The following KLHL35 variants were observed in gnomAD, a reference collection of about 807,000 sequenced individuals.
KLHL35 encodes kelch like family member 35.
In KLHL35, 50 loss-of-function variants were observed where a neutral mutation model predicts 44.0. The observed-to-expected ratio is 1.14, with a 90% CI of 0.91 to 1.44. KLHL35 has a LOEUF of 1.44. Ranked by LOEUF, KLHL35 falls within the 40% of genes most tolerant of loss-of-function variation. The pLI, the probability that KLHL35 is intolerant of heterozygous loss-of-function variation, is 0.00. For synonymous variants in KLHL35, 470 were observed against 410.4 expected (o/e 1.15, Z -1.76); for missense variants, 1,049 against 887.8 (o/e 1.18, Z -2.31).
intron 3 of KLHL35, 30 bp downstream of exon 3, chr11:75,428,410 CGT>C: frequency 1.2e-6 from 2 of 1,610,008 alleles, no homozygotes; most frequent in Non-Finnish European, 1.7e-6. Context: ...TAGTCAATCC[CGT>C]GTGAGCTCCC....
At chr11:75,423,946 A>C in intron 5 of KLHL35, 66 bp from the exon 6 acceptor site, 8 of 1,231,166 alleles carry the variant, frequency 6.5e-6, no homozygotes, top group Non-Finnish European at 9.0e-6. Context: ...CACCGCCCAC[A>C]TGCTGCCACC....
rs770972232 is a variant in KLHL35, at chr11:75,423,721, C to G, written c.1534G>C (p.Gly512Arg). ...GGGCTGGGGAGGACAGCTGCCTCCCCCCACACATCTGTGCCTGGATCATAG... is the reference window on the plus strand; with the variant it reads ...GGGCTGGGGAGGACAGCTGCCTCCCGCCACACATCTGTGCCTGGATCATAG... ...FTYDPGTDVW[G>R]EAAVLPSPVE... Residue 512 changes from glycine (G) to arginine (R), a missense_variant, in exon 6 of 7, where the codon GGG becomes CGG. Transcript: ENST00000539798. 1 of 1,613,716 alleles carries G rather than the reference C, an allele frequency of 6.2e-7. No homozygotes were observed. Among genetic ancestry groups the G allele is most frequent in the African/African-American group, 1.3e-5 (1 of 74,924 alleles).
chr11:75,427,096 T>C (rs549733497), intron 3 of KLHL35, among the ~76,000 whole-genome samples: 61 of 152,338 alleles, frequency 4.0e-4, no homozygotes, highest in African/African-American at 1.4e-3. Flanking sequence ...TGCCTTCACC[T>C]GCACAATTTC....
At chr11:75,426,729 G>A in intron 3 of KLHL35, 91 bp from the exon 4 acceptor site, 1 of 837,474 alleles carries the variant, frequency 1.2e-6, no homozygotes, top group South Asian at 1.6e-5. Flanking sequence ...CAGATCCAAA[G>A]GAAGGGTTAA....
chr11:75,428,819 A>C (rs1412035323), intron 2 of KLHL35, among the ~76,000 whole-genome samples, 193 bp from the exon 3 acceptor site: 1 of 152,146 alleles, frequency 6.6e-6, no homozygotes, highest in Non-Finnish European at 1.5e-5. Flanking sequence ...TGGGAAGAGA[A>C]TCGCTAATGC....
rs781149653 is a variant in KLHL35 at position 75,422,742 on chromosome 11, G to A, written c.1590C>T (p.Asp530=). 47 of 1,613,752 alleles carry A rather than the reference G, an allele frequency of 2.9e-5. No homozygotes were observed. The highest frequency in any genetic ancestry group is 4.5e-5 in the East Asian group (2 of 44,880). Residue 530 remains aspartate (D), a synonymous_variant, in exon 7 of 7, where the codon GAC becomes GAT. Transcript: ENST00000539798. ...PVESCGVTVC[D]GKVHILGGRD... ...GCCCGCCAAGGATGTGGACCTTCCC[G>A]TCACACACAGTGACTCCACAGCTTT...
chr11:75,425,631 C>T (rs1482066217), intron 4 of KLHL35, 50 bp from the exon 5 acceptor site: 1 of 1,390,672 alleles, frequency 7.2e-7, no homozygotes, highest in Admixed American at 3.2e-5. Context: ...GCCTTAGGGC[C>T]CTCGGCCTCA....
Position 75,430,074 on chromosome 11 carries a change from CCA to C in KLHL35, c.554_555del (p.Val185GlyfsTer12). The C allele has an allele frequency of 7.2e-7, 1 of 1,389,680 alleles. No individual in the cohort carries two copies. The highest frequency in any genetic ancestry group is 9.3e-7 in the Non-Finnish European group (1 of 1,073,128). 86.1% of individuals were successfully genotyped at this position (1,389,680 alleles called of 1,614,324 possible). A position where few individuals can be genotyped will look rare whatever the true frequency, so the allele number is the denominator to read the frequency against. ...GRVLRQAFAE[V>X]ARHADFLELA... Reference sequence around the variant, plus strand: ...AGCTCCAGGAAGTCGGCGTGGCGCGCCACCTCGGCGAAGGCCTGACGCAGGAC... The same window carrying C: ...AGCTCCAGGAAGTCGGCGTGGCGCGCCCTCGGCGAAGGCCTGACGCAGGAC... On this transcript the variant is annotated frameshift_variant, in exon 2 of 7. Coordinates refer to ENST00000539798, the MANE Select transcript of KLHL35 (RefSeq NM_001039548.3). LOFTEE classifies it high-confidence loss of function.
intron 6 of KLHL35, 53 bp from the exon 7 acceptor site, chr11:75,422,821 G>A (rs994680400): frequency 7.1e-6 from 11 of 1,538,952 alleles, no homozygotes; most frequent in African/African-American, 4.1e-5. Flanking sequence ...GGCTTCCTCT[G>A]TCCCTGCCTG....
rs368394964 is a variant in KLHL35, at chr11:75,425,514, G to A, written c.1253C>T (p.Ser418Phe). Reference sequence around the variant, plus strand: ...GGGCGCGGCGGCCGCCCAGGTGTTGGAGAAGGGGTCGTAGCGCTCCACGCT... The same window carrying A: ...GGGCGCGGCGGCCGCCCAGGTGTTGAAGAAGGGGTCGTAGCGCTCCACGCT... Reference protein sequence around the residue: ...LHSVERYDPFSNTWAAAAPLP... With the variant: ...LHSVERYDPFFNTWAAAAPLP... Residue 418 changes from serine (S) to phenylalanine (F), a missense_variant, in exon 5 of 7, where the codon TCC becomes TTC. Ser to Phe is a radical substitution (Grantham distance 155, BLOSUM62 -2). Coordinates refer to ENST00000539798, the MANE Select transcript of KLHL35 (RefSeq NM_001039548.3). The A allele has an allele frequency of 6.4e-6, 10 of 1,564,444 alleles. No homozygotes were observed. Among genetic ancestry groups the A allele is most frequent in the South Asian group, 4.7e-5 (4 of 84,574 alleles).
At chr11:75,426,303 G>T in intron 4 of KLHL35, 1 of 415,792 alleles carries the variant, frequency 2.4e-6, no homozygotes, top group Admixed American at 3.9e-5. Flanking sequence ...AGACTCTATG[G>T]CCCCAGAGCC....
At chr11:75,432,042 GCGCTCTGC>G (rs1948541374) in intron 1 of KLHL35, among the ~76,000 whole-genome samples, 2 of 152,174 alleles carry the variant, frequency 1.3e-5, no homozygotes, top group Non-Finnish European at 1.5e-5. Context: ...GTTTGTGAAG[GCGCTCTGC>G]AGACTGAGGG....
rs1379731106 is a variant in KLHL35, at chr11:75,422,764, C to T, written c.1568G>A (p.Ser523Asn). The T allele has an allele frequency of 2.5e-6, 4 of 1,609,664 alleles. No homozygotes were observed. The highest frequency in any genetic ancestry group is 3.4e-6 in the Non-Finnish European group (4 of 1,176,310). The change falls in exon 7 of 7, where the codon AGC (serine) becomes AAC (asparagine). Residue 523 changes from serine to asparagine, a missense_variant. By Grantham distance (46) the Ser-to-Asn change is conservative. Coordinates refer to ENST00000539798, the MANE Select transcript of KLHL35 (RefSeq NM_001039548.3). ...CCCGTCACACACAGTGACTCCACAG[C>T]TTTCCTGGGTGGACAAACAGAAAGA... ...EAAVLPSPVE[S>N]CGVTVCDGKV...
Position 75,429,980 on chromosome 11 carries a change from A to T in KLHL35, c.650T>A (p.Phe217Tyr). Residue 217 changes from phenylalanine (F) to tyrosine (Y), a missense_variant, in exon 2 of 7, where the codon TTT (phenylalanine) becomes TAT (tyrosine). Coordinates refer to ENST00000539798, the MANE Select transcript of KLHL35 (RefSeq NM_001039548.3). ...ALGVAREEAV[F>Y]EAAMRWVRHD... ...GCGCACCCAGCGCATGGCCGCTTCAAACACGGCCTCCTCGCGCGCCACGCC... is the reference window on the plus strand; with the variant it reads ...GCGCACCCAGCGCATGGCCGCTTCATACACGGCCTCCTCGCGCGCCACGCC... The T allele has an allele frequency of 7.0e-7, 1 of 1,424,698 alleles. No individual in the cohort carries two copies. The highest frequency in any genetic ancestry group is 9.1e-7 in the Non-Finnish European group (1 of 1,095,122). 88.3% of individuals were successfully genotyped at this position (1,424,698 alleles called of 1,614,324 possible).
Position 75,430,324 on chromosome 11 carries a change from C to T in KLHL35, c.306G>A (p.Ala102=), listed in dbSNP as rs1383118378. Residue 102 remains alanine, a synonymous_variant, in exon 2 of 7, where the codon GCG becomes GCA. Coordinates refer to ENST00000539798, the MANE Select transcript of KLHL35 (RefSeq NM_001039548.3). ...ACACGTAGTCGAGCACCACGGCCAG[C>T]GCCGCCGCCGCCCCGGCCGGGCTCG... ...PGTSPAGAAA[A]LAVVLDYVYG... The T allele has an allele frequency of 7.9e-7, 1 of 1,263,140 alleles. No individual in the cohort carries two copies. Among genetic ancestry groups the T allele is most frequent in the Non-Finnish European group, 1.0e-6 (1 of 1,003,958 alleles). The allele number at this position is 1,263,140 out of a possible 1,614,324, so 78.2% of individuals were successfully genotyped here.
Position 75,430,314 on chromosome 11 carries a change from C to T in KLHL35, c.316G>A (p.Val106Met), listed in dbSNP as rs1592040195. ...CCCGCTCCGTACACGTAGTCGAGCA[C>T]CACGGCCAGCGCCGCCGCCGCCCCG... ...PAGAAAALAV[V>M]LDYVYGAGVR... The change falls in exon 2 of 7, where the codon GTG becomes ATG. Residue 106 changes from valine (V) to methionine (M), a missense_variant. By Grantham distance (21) the Val-to-Met change is conservative (BLOSUM62 1). Transcript: ENST00000539798. The T allele has an allele frequency of 8.0e-7, 1 of 1,254,618 alleles. No individual in the cohort carries two copies. The highest frequency in any genetic ancestry group is 3.8e-5 in the East Asian group (1 of 26,496). 77.7% of individuals were successfully genotyped at this position (1,254,618 alleles called of 1,614,324 possible). A position where few individuals can be genotyped will look rare whatever the true frequency, so the allele number is the denominator to read the frequency against.
rs1948522034 is a variant in KLHL35, at chr11:75,430,112, C to G, written c.518G>C (p.Arg173Pro). 2 of 1,285,332 alleles carry G rather than the reference C, an allele frequency of 1.6e-6. No homozygotes were observed. Among genetic ancestry groups the G allele is most frequent in the Non-Finnish European group, 2.0e-6 (2 of 1,020,468 alleles). 79.6% of individuals were successfully genotyped at this position (1,285,332 alleles called of 1,614,324 possible). A position where few individuals can be genotyped will look rare whatever the true frequency, so the allele number is the denominator to read the frequency against. The change falls in exon 2 of 7, where the codon CGC becomes CCC. Residue 173 changes from arginine (R) to proline (P), a missense_variant. Physicochemically the swap from Arg to Pro is moderately radical, Grantham distance 103 (BLOSUM62 -2). Coordinates refer to ENST00000539798, the MANE Select transcript of KLHL35 (RefSeq NM_001039548.3). ...AAFSLAPLAERCGRVLRQAFA... is the reference protein window; with the variant it reads ...AAFSLAPLAEPCGRVLRQAFA... ...GGCCTGACGCAGGACGCGGCCGCAGCGCTCGGCCAGCGGGGCCAGCGAGAA... is the reference window on the plus strand; with the variant it reads ...GGCCTGACGCAGGACGCGGCCGCAGGGCTCGGCCAGCGGGGCCAGCGAGAA...
In KLHL35 at chr11:75,430,534, G is replaced by A; in HGVS notation, c.96C>T (p.Asn32=). 1 of 1,453,914 alleles carries A rather than the reference G, an allele frequency of 6.9e-7. No individual in the cohort carries two copies. 90.1% of individuals were successfully genotyped at this position (1,453,914 alleles called of 1,614,324 possible). Residue 32 remains asparagine (N), a synonymous_variant, in exon 2 of 7, where the codon AAC becomes AAT. Transcript: ENST00000539798. ...TGAGGGTGCCGCTCCGCCGGTAGGC[G>A]TTCAGGGCCTGCAGCACGCGCTGCG... is the stretch of plus-strand genomic sequence containing the variant. ...CHAQRVLQAL[N]AYRRSGTLTD...
In KLHL35 at chr11:75,428,483, TCTGAGCGAGTG is replaced by T; in HGVS notation, c.1014_1024del (p.Tyr338Ter). 6.2e-7 allele frequency: 1 copy of T among 1,612,554 alleles called. No individual in the cohort carries two copies. The highest frequency in any genetic ancestry group is 8.5e-7 in the Non-Finnish European group (1 of 1,179,860). On this transcript the variant is annotated stop_gained and frameshift_variant, in exon 3 of 7. Coordinates refer to ENST00000539798, the MANE Select transcript of KLHL35 (RefSeq NM_001039548.3). LOFTEE classifies it high-confidence loss of function. ...ATTGCGGAGAGCACAGGCGGCGAATTCTGAGCGAGTGTAGCCGGGCAGGCTGGGCAGTGGGG... is the reference window on the plus strand; with the variant it reads ...ATTGCGGAGAGCACAGGCGGCGAATTTAGCCGGGCAGGCTGGGCAGTGGGG...
Sources: allele counts gnomAD v4.1 joint callset (sites outside exome capture counted in the v4.1 genomes callset), GRCh38; gene constraint gnomAD v4.1.1; transcripts MANE v1.5; gene names NCBI Gene and HGNC (gene_info 2026-07-23, HGNC 2026-07-21).